The following SLC41A2 variants were observed in gnomAD, a reference collection of about 807,000 sequenced individuals.
The protein encoded by SLC41A2 is solute carrier family 41 member 2.
In SLC41A2, 32 loss-of-function variants were observed where a neutral mutation model predicts 58.3. The observed-to-expected ratio is 0.55, with a 90% CI of 0.41 to 0.74. SLC41A2 has a LOEUF of 0.74. Ranked by LOEUF, SLC41A2 falls within the 30% of genes least tolerant of loss-of-function variation. The pLI is 0.00. For synonymous variants in SLC41A2, 190 were observed against 235.0 expected, an observed-to-expected ratio of 0.81 and a Z score of 1.75; for missense variants, 514 against 680.6, an observed-to-expected ratio of 0.76 and a Z score of 2.72.
intron 8 of SLC41A2, chr12:104,851,931 T>A (rs897585658): frequency 6.6e-6 from 1 of 152,076 alleles, no homozygotes; most frequent in Non-Finnish European, 1.5e-5. Context: ...AATAAAAAAA[T>A]AAACAAACAA....
chr12:104,918,904 A>G (rs954791188), intron 2 of SLC41A2, among the ~76,000 whole-genome samples: 13 of 152,272 alleles, frequency 8.5e-5, no homozygotes, highest in African/African-American at 3.1e-4. Context: ...ACTACAGTAC[A>G]ATATCACAAC....
chr12:104,809,258 C>T (rs1412987170), intron 10 of SLC41A2, among the ~76,000 whole-genome samples: 2 of 152,178 alleles, frequency 1.3e-5, no homozygotes, highest in Non-Finnish European at 2.9e-5. Context: ...CAGGAGGAAG[C>T]CCACCCCAGG....
At chr12:104,904,237 G>C (rs1438382499) in intron 3 of SLC41A2, among the ~76,000 whole-genome samples, 1 of 152,156 alleles carries the variant, frequency 6.6e-6, no homozygotes, top group African/African-American at 2.4e-5. Flanking sequence ...TCCTGCCAAA[G>C]TTATCAAGTT....
intron 1 of SLC41A2, among the ~76,000 whole-genome samples, chr12:104,938,156 C>G (rs1316954239): frequency 1.3e-5 from 2 of 152,014 alleles, no homozygotes; most frequent in African/African-American, 2.4e-5. Context: ...TGTGGCATAT[C>G]TATACAATGG....
At chr12:104,848,709 T>C (rs1377270422) in intron 8 of SLC41A2, among the ~76,000 whole-genome samples, 2 of 152,078 alleles carry the variant, frequency 1.3e-5, no homozygotes, top group Admixed American at 1.3e-4. Context: ...ATTTGATTTA[T>C]CCTAGGAATG....
chr12:104,911,820 T>TG (rs5800641), intron 2 of SLC41A2, among the ~76,000 whole-genome samples: 5 of 151,650 alleles, frequency 3.3e-5, no homozygotes, highest in Admixed American at 2.0e-4. Flanking sequence ...AAGCACTGGG[T>TG]GGGGGGGGTT....
chr12:104,876,736 A>C (rs1458200160), intron 6 of SLC41A2, among the ~76,000 whole-genome samples: 1 of 152,166 alleles, frequency 6.6e-6, no homozygotes, highest in Non-Finnish European at 1.5e-5. Context: ...GTGCACTTGA[A>C]AAGAATGTGT....
At chr12:104,950,932 T>A (rs2047927850) in intron 1 of SLC41A2, among the ~76,000 whole-genome samples, 1 of 152,134 alleles carries the variant, frequency 6.6e-6, no homozygotes, top group African/African-American at 2.4e-5. Flanking sequence ...TAGATTGAGG[T>A]GGCTGGGGGA....
intron 1 of SLC41A2, among the ~76,000 whole-genome samples, chr12:104,943,034 C>A (rs76086234): frequency 0.036 from 5,410 of 152,048 alleles, 135 homozygotes; most frequent in East Asian, 0.1. Context: ...TTTTAAAATG[C>A]AAAACCCACT....
At chr12:104,908,935 A>C (rs2045965808) in intron 3 of SLC41A2, among the ~76,000 whole-genome samples, 1 of 152,234 alleles carries the variant, frequency 6.6e-6, no homozygotes, top group Admixed American at 6.5e-5. Flanking sequence ...CATTGTTCAT[A>C]ATAGAAGAAT....
intron 1 of SLC41A2, among the ~76,000 whole-genome samples, chr12:104,943,999 T>A (rs930033292): frequency 2.0e-5 from 3 of 152,148 alleles, no homozygotes; most frequent in Admixed American, 2.0e-4. Flanking sequence ...GTCCCCTCCC[T>A]TTGTATGGGA....
chr12:104,853,812 C>T (rs141860369), intron 8 of SLC41A2, among the ~76,000 whole-genome samples: 23 of 151,252 alleles, frequency 1.5e-4, no homozygotes, highest in African/African-American at 4.8e-4. Context: ...GGTGCAATCA[C>T]GGCTCACCGC....
At chr12:104,869,478 G>T (rs1307890727) in intron 6 of SLC41A2, among the ~76,000 whole-genome samples, 1 of 151,776 alleles carries the variant, frequency 6.6e-6, no homozygotes, top group African/African-American at 2.4e-5. Flanking sequence ...GTATGCAGGG[G>T]TTTTTTTTGT....
At chr12:104,926,240 T>C (rs994860863) in intron 2 of SLC41A2, among the ~76,000 whole-genome samples, 2 of 152,194 alleles carry the variant, frequency 1.3e-5, no homozygotes, top group African/African-American at 4.8e-5. Flanking sequence ...ATGTCACATT[T>C]TGGCAACTTA....
At chr12:104,858,339 G>A (rs1051265964) in intron 8 of SLC41A2, among the ~76,000 whole-genome samples, 7 of 151,912 alleles carry the variant, frequency 4.6e-5, no homozygotes, top group Non-Finnish European at 1.0e-4. Context: ...CTTTAGAATA[G>A]ACCCGATCTG....
At chr12:104,911,780 GGTTCAA>G (rs2046097600) in intron 2 of SLC41A2, among the ~76,000 whole-genome samples, 1 of 151,012 alleles carries the variant, frequency 6.6e-6, no homozygotes, top group African/African-American at 2.4e-5. Context: ...CCTCTAATTG[GGTTCAA>G]GCCAATTAAG....
At chr12:104,820,995 C>T (rs201982285) in intron 10 of SLC41A2, among the ~76,000 whole-genome samples, 9 of 151,998 alleles carry the variant, frequency 5.9e-5, no homozygotes, top group Non-Finnish European at 1.2e-4. Flanking sequence ...AGTTCTAATG[C>T]GAAAAGACAA....
intron 2 of SLC41A2, among the ~76,000 whole-genome samples, chr12:104,927,344 T>A (rs561336994): frequency 3.1e-4 from 47 of 152,294 alleles, no homozygotes; most frequent in African/African-American, 1.1e-3. Flanking sequence ...GGTATATACA[T>A]ACAATGGAAT....
At chr12:104,944,208 C>G (rs1209950793) in intron 1 of SLC41A2, among the ~76,000 whole-genome samples, 2 of 152,208 alleles carry the variant, frequency 1.3e-5, no homozygotes, top group Non-Finnish European at 1.5e-5. Context: ...TTTCCCCTAT[C>G]CCCAGAGAGA....
Sources: gnomAD v4.1 joint callset for allele counts (sites outside exome capture counted in the v4.1 genomes callset) on GRCh38, gnomAD v4.1.1 for gene constraint, MANE v1.5 for transcripts, NCBI Gene and HGNC (gene_info 2026-07-23, HGNC 2026-07-21) for gene names.